PTPRD: variants seen among roughly 807,000 people sequenced by gnomAD.
The protein encoded by PTPRD is protein tyrosine phosphatase receptor type D.
A neutral mutation model predicts 214.5 loss-of-function variants in PTPRD; 34 were observed. That is an observed-to-expected ratio of 0.16 (90% CI 0.12 to 0.21). The LOEUF (loss-of-function observed/expected upper bound fraction) is 0.21. Among genes scored for constraint, PTPRD ranks in the 10% least tolerant of loss-of-function variants. PTPRD has a pLI of 1.00. For synonymous variants in PTPRD, 1,128 were observed against 845.7 expected (o/e 1.33, Z -5.79); for missense variants, 2,545 against 2,398.7 (o/e 1.06, Z -1.27).
chr9:9,981,354 A>AT lies in PTPRD; in HGVS notation c.-471-42745dup, dbSNP rs1555426883. ...TTAAAACATATACTCACATTAAACA[A>AT]TTTTTTTTTTTTTTTTTTAAGACAG... is the stretch of plus-strand genomic sequence containing the variant. On this transcript the variant is annotated intron_variant, in intron 4 of 45. Transcript: ENST00000381196. Among the ~76,000 whole-genome samples the AT allele has an allele frequency of 6.7e-4, 93 of 138,182 alleles. 1 individual carries two copies. Among genetic ancestry groups the AT allele is most frequent in the East Asian group, 1.9e-3 (9 of 4,816 alleles). 90.7% of individuals were successfully genotyped at this position (138,182 alleles called of 152,430 possible).
At chr9:10,190,402 A>AC (rs2099358005) in intron 3 of PTPRD, among the ~76,000 whole-genome samples, 3 of 76,542 alleles carry the variant, frequency 3.9e-5, no homozygotes, top group Admixed American at 1.2e-4. Context: ...AAAAAAAAAA[A>AC]AAAAAAAAAA....
intron 21 of PTPRD, 79 bp from the exon 22 acceptor site, chr9:8,507,513 T>G: frequency 1.9e-6 from 3 of 1,560,876 alleles, no homozygotes; most frequent in Non-Finnish European, 2.6e-6. Flanking sequence ...GTAACCTGCT[T>G]AAACCTTTCG....
rs192934545 is a variant in PTPRD, at chr9:8,675,005, T to A, written c.65-38161A>T. The stretch of plus-strand genomic sequence containing the variant: ...TACAAAAGAAATAACCAGGGTATAT[T>A]TTTTTTTCCTTTTAAGTTTTCTCTC... On this transcript the variant is annotated intron_variant, in intron 12 of 45. Transcript: ENST00000381196. Among the ~76,000 whole-genome samples, 196 of 150,688 alleles carry A rather than the reference T, an allele frequency of 1.3e-3. 1 individual carries two copies. Among genetic ancestry groups the A allele is most frequent in the African/African-American group, 2.0e-3 (80 of 40,062 alleles).
intron 10 of PTPRD, among the ~76,000 whole-genome samples, chr9:9,181,225 T>G (rs561593527): frequency 1.1e-4 from 16 of 152,114 alleles, no homozygotes; most frequent in African/African-American, 3.4e-4. Context: ...TCATTGTTAT[T>G]TTTACCTTAA....
chr9:9,275,105 ATATTATATATATATTATATATAT>A (rs1944682394), intron 9 of PTPRD, among the ~76,000 whole-genome samples: 1 of 69,676 alleles, frequency 1.4e-5, no homozygotes, highest in Non-Finnish European at 2.5e-5. Flanking sequence ...TATATATAAT[ATATTATATATATATTATATATAT>A]TATATATAAT....
At chr9:8,819,764 C>T (rs561175836) in intron 11 of PTPRD, among the ~76,000 whole-genome samples, 3 of 152,308 alleles carry the variant, frequency 2.0e-5, no homozygotes, top group African/African-American at 7.2e-5. Context: ...AAGTCAGATT[C>T]CTTTGTGACA....
Position 8,621,332 on chromosome 9 carries a change from T to C in PTPRD, c.352+11985A>G, listed in dbSNP as rs182544174. ...GTTAGCATATAGTTAACCAGGCTTG[T>C]GTAAAAGACATCACATCAGCATTTC... is the stretch of plus-strand genomic sequence containing the variant. On this transcript the variant is annotated intron_variant, in intron 14 of 45. Transcript: ENST00000381196. Among the ~76,000 whole-genome samples the C allele has an allele frequency of 1.3e-3, 201 of 152,160 alleles. 2 individuals carry two copies. Among genetic ancestry groups the C allele is most frequent in the African/African-American group, 4.7e-3 (195 of 41,568 alleles).
intron 9 of PTPRD, among the ~76,000 whole-genome samples, chr9:9,378,165 C>T (rs903031926): frequency 6.6e-6 from 1 of 151,960 alleles, no homozygotes; most frequent in Admixed American, 6.6e-5. Flanking sequence ...AGTTTCACCA[C>T]CCCAAAATCC....
At chr9:9,376,900 A>C (rs1379718150) in intron 9 of PTPRD, among the ~76,000 whole-genome samples, 1 of 151,724 alleles carries the variant, frequency 6.6e-6, no homozygotes, top group Non-Finnish European at 1.5e-5. Flanking sequence ...CTTAATAGAC[A>C]CTAAGAAAAT....
chr9:9,647,215 A>C lies in PTPRD; in HGVS notation c.-286-72434T>G, dbSNP rs533791780. ...AGTCATTCCATTCATTTCCTTCTCA[A>C]ATGTGCCAGTTGTTTTTGTAGCCTC... On this transcript the variant is annotated intron_variant, in intron 7 of 45. Transcript: ENST00000381196. 2.6e-5 allele frequency among the ~76,000 whole-genome samples: 4 copies of C among 152,120 alleles called. No homozygotes were observed. In the East Asian group the frequency reaches 7.7e-4, roughly 29 times the overall value.
intron 3 of PTPRD, among the ~76,000 whole-genome samples, chr9:10,072,728 C>T (rs1400374535): frequency 6.6e-6 from 1 of 152,028 alleles, no homozygotes; most frequent in East Asian, 1.9e-4. Context: ...CTACATAGCG[C>T]TGATTGGGGC....
rs142397643 is a variant in PTPRD at position 8,317,877 on chromosome 9, C to T, written c.5736G>A (p.Thr1912=). The part of the protein sequence containing the change: ...EYLGSFDHYA[T] ...ATCCAGAATGGGTCAGGGGTTTCTA[C>T]GTTGCATAGTGGTCAAAGCTGCCCA... is the stretch of plus-strand genomic sequence containing the variant. Residue 1912 remains threonine (T), a synonymous_variant, in exon 46 of 46, where the codon ACG becomes ACA. Coordinates refer to ENST00000381196, the MANE Select transcript of PTPRD (RefSeq NM_002839.4). 14 of 1,611,818 alleles carry T rather than the reference C, an allele frequency of 8.7e-6. No homozygotes were observed. Among genetic ancestry groups the T allele is most frequent in the African/African-American group, 2.7e-5 (2 of 74,704 alleles).
At chr9:9,142,801 C>T (rs2099862542) in intron 10 of PTPRD, among the ~76,000 whole-genome samples, 1 of 151,922 alleles carries the variant, frequency 6.6e-6, no homozygotes, top group South Asian at 2.1e-4. Context: ...TGTATATTTC[C>T]ATTTGCTCCT....
At chr9:8,743,517 G>C (rs1461455170) in intron 11 of PTPRD, among the ~76,000 whole-genome samples, 1 of 152,136 alleles carries the variant, frequency 6.6e-6, no homozygotes, top group Non-Finnish European at 1.5e-5. Flanking sequence ...TAGTGGAACG[G>C]TGAAAGGCTG....
chr9:9,706,514 A>C (rs1253428928), intron 7 of PTPRD, among the ~76,000 whole-genome samples: 1 of 151,516 alleles, frequency 6.6e-6, no homozygotes, highest in Non-Finnish European at 1.5e-5. Flanking sequence ...ATCTTGGCTC[A>C]CTGCAACCTC....
chr9:9,047,408 A>C (rs530301779), intron 10 of PTPRD, among the ~76,000 whole-genome samples: 1 of 152,108 alleles, frequency 6.6e-6, no homozygotes, highest in South Asian at 2.1e-4. Context: ...ATAATCCTAA[A>C]ATTTCTTTGG....
chr9:9,495,490 C>G (rs947220562), intron 8 of PTPRD, among the ~76,000 whole-genome samples: 1 of 152,022 alleles, frequency 6.6e-6, no homozygotes, highest in African/African-American at 2.4e-5. Context: ...CCCGCCCTGC[C>G]CCTATCCTGT....
At chr9:10,379,484 G>T (rs923475087) in intron 2 of PTPRD, among the ~76,000 whole-genome samples, 1 of 151,680 alleles carries the variant, frequency 6.6e-6, no homozygotes, top group African/African-American at 2.4e-5. Context: ...AATTCCTGAG[G>T]TTCATTTAGG....
At chr9:8,940,727 C>T (rs1284812359) in intron 11 of PTPRD, among the ~76,000 whole-genome samples, 1 of 152,012 alleles carries the variant, frequency 6.6e-6, no homozygotes, top group Admixed American at 6.6e-5. Context: ...CTTTCCCAAG[C>T]CAATAATTCT....
Sources: gnomAD v4.1 joint callset for allele counts (sites outside exome capture counted in the v4.1 genomes callset) on GRCh38, gnomAD v4.1.1 for gene constraint, MANE v1.5 for transcripts, NCBI Gene and HGNC (gene_info 2026-07-23, HGNC 2026-07-21) for gene names.